DDX4: variants seen among roughly 807,000 people sequenced by gnomAD.
DDX4 encodes the protein probable ATP-dependent RNA helicase DDX4.
In DDX4, 25 loss-of-function variants were observed where a neutral mutation model predicts 100.0. The ratio of observed to expected loss-of-function variants is 0.25; its 90% CI spans 0.18 to 0.35. DDX4 has a LOEUF of 0.35. DDX4 is among the 10% of genes least tolerant of loss of function. The pLI, the probability that DDX4 is intolerant of heterozygous loss-of-function variation, is 1.00. For missense variants in DDX4, 635 were observed against 882.4 expected (o/e 0.72, Z 3.55); for synonymous variants, 259 against 275.7 (o/e 0.94, Z 0.60).
intron 17 of DDX4, among the ~76,000 whole-genome samples, chr5:55,795,837 A>G (rs1219358143): frequency 6.6e-6 from 1 of 152,206 alleles, no homozygotes; most frequent in Non-Finnish European, 1.5e-5. Context: ...ATATATGTAG[A>G]TATAAAAGGA....
rs997726004 is a variant in DDX4, at chr5:55,785,874, C to T, written c.864+3C>T. On this transcript the variant is annotated splice_donor_region_variant and intron_variant, in intron 13 of 21. Transcript: ENST00000505374. ...ATGATGCACCACCAGCAATTCTGGT[C>T]AGTGTATTAATTGTTTCTGTATTAG... The T allele has an allele frequency of 6.2e-7, 1 of 1,600,222 alleles. No homozygotes were observed. The highest frequency in any genetic ancestry group is 8.6e-7 in the Non-Finnish European group (1 of 1,167,710).
intron 7 of DDX4, among the ~76,000 whole-genome samples, chr5:55,769,273 G>A (rs956544487): frequency 7.9e-5 from 12 of 151,990 alleles, no homozygotes; most frequent in African/African-American, 1.5e-4. Context: ...TCTTTAATCC[G>A]TCTGGAGTTG....
At chr5:55,740,656 C>T (rs1758927306) in intron 2 of DDX4, among the ~76,000 whole-genome samples, 2 of 148,224 alleles carry the variant, frequency 1.3e-5, no homozygotes, top group Admixed American at 1.4e-4. Flanking sequence ...CACGTGTGTG[C>T]CACCACGCCC....
chr5:55,814,780 G>A, intron 19 of DDX4, 121 bp from the exon 20 acceptor site: 3 of 1,125,938 alleles, frequency 2.7e-6, no homozygotes, highest in Non-Finnish European at 3.8e-6. Context: ...GTGAGCCACT[G>A]CGCCCAGCCA....
intron 2 of DDX4, among the ~76,000 whole-genome samples, chr5:55,744,579 A>T (rs1191536768): frequency 1.3e-5 from 2 of 152,260 alleles, no homozygotes; most frequent in Non-Finnish European, 2.9e-5. Context: ...TATTGATTTT[A>T]TAATAAGTTG....
chr5:55,812,975 T>C (rs1744201317), intron 18 of DDX4, among the ~76,000 whole-genome samples: 1 of 151,948 alleles, frequency 6.6e-6, no homozygotes, highest in Non-Finnish European at 1.5e-5. Context: ...TGAACAGTAA[T>C]ACATTTTTAT....
chr5:55,812,702 A>G (rs1744187933), intron 18 of DDX4, among the ~76,000 whole-genome samples: 1 of 152,212 alleles, frequency 6.6e-6, no homozygotes, highest in Non-Finnish European at 1.5e-5. Context: ...TTACTAAGAT[A>G]CCATCTAATT....
intron 18 of DDX4, among the ~76,000 whole-genome samples, chr5:55,804,849 A>G (rs546752467): frequency 3.4e-4 from 51 of 152,214 alleles, no homozygotes; most frequent in South Asian, 2.5e-3. Context: ...GGTTTTTCCA[A>G]TTCTGTGAAG....
rs1741678915 is a variant in DDX4, at chr5:55,778,046, CAT to C, written c.395-1913_395-1912del. 1.3e-5 allele frequency among the ~76,000 whole-genome samples: 2 copies of C among 152,084 alleles called. 1 individual carries two copies. The highest frequency in any genetic ancestry group is 4.1e-4 in the South Asian group (2 of 4,828). On this transcript the variant is annotated intron_variant, in intron 7 of 21. Coordinates refer to ENST00000505374, the MANE Select transcript of DDX4 (RefSeq NM_024415.3). ...AATCATATACTCTAAAATTATAAAT[CAT>C]ATATTTTTCCAGCATGTATGGAAAA... is the stretch of plus-strand genomic sequence containing the variant.
intron 18 of DDX4, among the ~76,000 whole-genome samples, chr5:55,799,460 C>G (rs1212310669): frequency 6.6e-6 from 1 of 152,184 alleles, no homozygotes; most frequent in East Asian, 1.9e-4. Flanking sequence ...ACTGCAGCCT[C>G]AAGCTCCCAG....
At chr5:55,805,932 C>T (rs1165690790) in intron 18 of DDX4, among the ~76,000 whole-genome samples, 3 of 152,266 alleles carry the variant, frequency 2.0e-5, no homozygotes, top group African/African-American at 7.2e-5. Context: ...TGGTAGAATT[C>T]AGCTGTGAAT....
At chr5:55,760,085 T>G in intron 3 of DDX4, 115 bp from the exon 4 acceptor site, 2 of 1,131,172 alleles carry the variant, frequency 1.8e-6, no homozygotes, top group Non-Finnish European at 2.4e-6. Flanking sequence ...TTTGTCACCT[T>G]TTTTACTGCT....
intron 2 of DDX4, among the ~76,000 whole-genome samples, chr5:55,742,890 G>C (rs1230151321): frequency 6.6e-6 from 1 of 152,106 alleles, no homozygotes; most frequent in African/African-American, 2.4e-5. Context: ...AGACTGGTGT[G>C]GGGTGGATTT....
intron 10 of DDX4, among the ~76,000 whole-genome samples, chr5:55,784,035 C>T (rs1377231275): frequency 1.3e-5 from 2 of 152,018 alleles, no homozygotes; most frequent in Non-Finnish European, 2.9e-5. Context: ...CTCCCCTCCT[C>T]GTGTCCATGT....
At chr5:55,783,748 C>A (rs1214961990) in intron 10 of DDX4, among the ~76,000 whole-genome samples, 4 of 151,408 alleles carry the variant, frequency 2.6e-5, no homozygotes, top group South Asian at 2.1e-4. Context: ...GATTATGGAG[C>A]CTGAGAAAGT....
intron 2 of DDX4, among the ~76,000 whole-genome samples, chr5:55,739,479 A>G (rs568658897): frequency 4.6e-5 from 7 of 152,210 alleles, no homozygotes; most frequent in Non-Finnish European, 1.5e-5. Context: ...ATGAATCTTC[A>G]GATCTTTTTT....
chr5:55,801,001 T>C (rs1176722099), intron 18 of DDX4, among the ~76,000 whole-genome samples: 1 of 152,144 alleles, frequency 6.6e-6, no homozygotes, highest in African/African-American at 2.4e-5. Context: ...TAATTTTAAG[T>C]CAACAGAGAT....
chr5:55,786,795 A>G, intron 14 of DDX4, 125 bp downstream of exon 14: 1 of 729,376 alleles, frequency 1.4e-6, no homozygotes, highest in African/African-American at 1.8e-5. Flanking sequence ...ATAAGTATTG[A>G]TGGTTTTGCT....
At chr5:55,743,911 C>G (rs1247710843) in intron 2 of DDX4, among the ~76,000 whole-genome samples, 1 of 113,462 alleles carries the variant, frequency 8.8e-6, no homozygotes, top group Non-Finnish European at 1.9e-5. Flanking sequence ...TAAAACCAGC[C>G]TTTTTTTTTT....
Sources: gnomAD v4.1 joint callset for allele counts (sites outside exome capture counted in the v4.1 genomes callset) on GRCh38, gnomAD v4.1.1 for gene constraint, MANE v1.5 for transcripts, NCBI Gene and HGNC (gene_info 2026-07-23, HGNC 2026-07-21) for gene names.